Variants in BTRC observed in about 807,000 individuals in gnomAD.
BTRC encodes the protein F-box/WD repeat-containing protein 1A.
A neutral mutation model predicts 85.5 loss-of-function variants in BTRC; 42 were observed. That is an observed-to-expected ratio of 0.49 (90% CI 0.38 to 0.64). The LOEUF (loss-of-function observed/expected upper bound fraction) is 0.64, where lower values mean the gene tolerates loss of function less well. Among genes scored for constraint, BTRC ranks in the 30% least tolerant of loss-of-function variants. The pLI is 0.00. For synonymous variants in BTRC, 255 were observed against 263.3 expected (o/e 0.97, Z 0.30); for missense variants, 594 against 743.5 (o/e 0.80, Z 2.34).
chr10:101,553,915 T>G lies in BTRC; in HGVS notation c.*792T>G, dbSNP rs1345403866. The stretch of plus-strand genomic sequence containing the variant: ...AACACTTGGAAGAGTTAAATGCTGT[T>G]CAGTGAAGATTTCAGCCCCAGGCCT... On this transcript the variant is annotated 3_prime_UTR_variant, in exon 15 of 15. Transcript: ENST00000370187. 1 of 152,610 alleles carries G rather than the reference T, an allele frequency of 6.6e-6. No homozygotes were observed. The highest frequency in any genetic ancestry group is 2.4e-5 in the African/African-American group (1 of 41,434). 9.5% of individuals were successfully genotyped at this position (152,610 alleles called of 1,614,324 possible).
intron 1 of BTRC, among the ~76,000 whole-genome samples, chr10:101,366,801 T>TATATATTTATATATATTA (rs1942399176): frequency 1.3e-5 from 1 of 75,908 alleles, no homozygotes; most frequent in African/African-American, 6.1e-5. Flanking sequence ...TTTACATTTA[T>TATATATTTATATATATTA]ATATATATTT....
At chr10:101,367,052 AT>A (rs373917109) in intron 1 of BTRC, among the ~76,000 whole-genome samples, 2,299 of 89,092 alleles carry the variant, frequency 0.026, 172 homozygotes, top group Middle Eastern at 0.037. Context: ...AAATATATAT[AT>A]ATATAAATAT....
intron 3 of BTRC, among the ~76,000 whole-genome samples, chr10:101,476,926 C>A (rs900693797): frequency 2.6e-5 from 4 of 152,074 alleles, no homozygotes; most frequent in African/African-American, 9.7e-5. Context: ...CAACTGGGGC[C>A]TTGTTAAAAA....
At chr10:101,388,914 C>T (rs1043208001) in intron 1 of BTRC, among the ~76,000 whole-genome samples, 1 of 152,094 alleles carries the variant, frequency 6.6e-6, no homozygotes, top group Non-Finnish European at 1.5e-5. Flanking sequence ...GTTTCTTAGC[C>T]CTTGGGCCTT....
intron 2 of BTRC, among the ~76,000 whole-genome samples, chr10:101,435,145 C>G (rs1291766730): frequency 6.6e-6 from 1 of 151,984 alleles, no homozygotes; most frequent in Non-Finnish European, 1.5e-5. Context: ...TTGCATCCTT[C>G]TGGTTTAGGT....
rs550375656 is a variant in BTRC at position 101,519,468 on chromosome 10, C to A, written c.325-2171C>A. On this transcript the variant is annotated intron_variant, in intron 4 of 14. Transcript: ENST00000370187. ...TTTCTTACTGGCTGTCAGCTGGGGG[C>A]TCCTTTCAGCAGCTAGAGACTGACC... 5.3e-5 allele frequency among the ~76,000 whole-genome samples: 8 copies of A among 152,208 alleles called. No homozygotes were observed. The East Asian group carries it at 1.5e-3, about 29-fold the overall frequency.
chr10:101,548,487 C>T (rs150680207), intron 13 of BTRC, among the ~76,000 whole-genome samples: 3,923 of 152,302 alleles, frequency 0.026, 81 homozygotes, highest in South Asian at 0.089. Flanking sequence ...CTCAGTGGCT[C>T]ATGTCTGTAA....
At chr10:101,542,352 A>G (rs932971896) in intron 13 of BTRC, among the ~76,000 whole-genome samples, 2 of 152,004 alleles carry the variant, frequency 1.3e-5, no homozygotes, top group Non-Finnish European at 2.9e-5. Flanking sequence ...TTTAAATATA[A>G]TCAGTTGAAG....
chr10:101,377,055 C>T (rs541074725), intron 1 of BTRC, among the ~76,000 whole-genome samples: 5 of 152,080 alleles, frequency 3.3e-5, no homozygotes, highest in African/African-American at 7.2e-5. Context: ...ATCACTCCCC[C>T]GCAAAAAACT....
intron 4 of BTRC, among the ~76,000 whole-genome samples, chr10:101,500,893 A>C (rs1946383472): frequency 1.3e-5 from 2 of 152,132 alleles, no homozygotes; most frequent in Admixed American, 1.3e-4. Flanking sequence ...ATTGTGAAAA[A>C]TGTTTTTTAA....
chr10:101,381,960 G>GTTTTTTT (rs1942940313), intron 1 of BTRC, among the ~76,000 whole-genome samples: 1 of 78,460 alleles, frequency 1.3e-5, no homozygotes, highest in African/African-American at 6.5e-5. Context: ...TCCTAAGAAT[G>GTTTTTTT]TCTTTTTTTT....
At chr10:101,362,118 A>G (rs1248989180) in intron 1 of BTRC, among the ~76,000 whole-genome samples, 4 of 151,494 alleles carry the variant, frequency 2.6e-5, no homozygotes, top group Non-Finnish European at 4.4e-5. Context: ...GTACCACCAC[A>G]CCCAGCTCAT....
intron 3 of BTRC, among the ~76,000 whole-genome samples, chr10:101,469,537 T>C (rs1945466529): frequency 6.6e-6 from 1 of 152,146 alleles, no homozygotes; most frequent in Admixed American, 6.5e-5. Context: ...TAACTTAGTA[T>C]TTTCAGAAAA....
chr10:101,480,173 C>T (rs1345042889), intron 4 of BTRC, among the ~76,000 whole-genome samples: 1 of 152,080 alleles, frequency 6.6e-6, no homozygotes, highest in Non-Finnish European at 1.5e-5. Context: ...AAAATATTGC[C>T]TTTATATCTA....
At chr10:101,418,896 C>G (rs1396727818) in intron 1 of BTRC, among the ~76,000 whole-genome samples, 1 of 152,070 alleles carries the variant, frequency 6.6e-6, no homozygotes, top group Non-Finnish European at 1.5e-5. Flanking sequence ...TTAAGGTGTA[C>G]AACATGTTGT....
intron 13 of BTRC, among the ~76,000 whole-genome samples, chr10:101,539,633 T>G (rs951007493): frequency 3.9e-5 from 6 of 152,264 alleles, no homozygotes; most frequent in African/African-American, 1.4e-4. Context: ...TAAACATTTA[T>G]GTAGAAGTCT....
At chr10:101,373,999 T>G (rs1942716116) in intron 1 of BTRC, among the ~76,000 whole-genome samples, 1 of 151,904 alleles carries the variant, frequency 6.6e-6, no homozygotes, top group Non-Finnish European at 1.5e-5. Context: ...GGTGGAAAGC[T>G]GGGTGATGAT....
chr10:101,532,542 A>G (rs1441611484), intron 8 of BTRC, 110 bp downstream of exon 8: 1 of 1,367,878 alleles, frequency 7.3e-7, no homozygotes, highest in Non-Finnish European at 9.6e-7. Flanking sequence ...GTAAGTGAAG[A>G]TTTTAGATTG....
rs1427267048 is a variant in BTRC, at chr10:101,366,981, T to C, written c.48+12753T>C. Among the ~76,000 whole-genome samples the C allele has an allele frequency of 4.9e-4, 35 of 71,436 alleles. 2 individuals carry two copies. The highest frequency in any genetic ancestry group is 1.9e-3 in the African/African-American group (35 of 18,450). The allele number at this position is 71,436 out of a possible 152,430, so 46.9% of individuals were successfully genotyped here. A position where few individuals can be genotyped will look rare whatever the true frequency, so the allele number is the denominator to read the frequency against. The stretch of plus-strand genomic sequence containing the variant: ...ATATTTATATAAATATATATTTATA[T>C]ATTTATATATATTAATATATATATT... On this transcript the variant is annotated intron_variant, in intron 1 of 14. Transcript: ENST00000370187.
Sources: allele counts gnomAD v4.1 joint callset (sites outside exome capture counted in the v4.1 genomes callset), GRCh38; gene constraint gnomAD v4.1.1; transcripts MANE v1.5; gene names NCBI Gene and HGNC (gene_info 2026-07-23, HGNC 2026-07-21).